The following TTC28 variants were observed in gnomAD, a reference collection of about 807,000 sequenced individuals.
TTC28 encodes the protein tetratricopeptide repeat domain 28, also known as tetratricopeptide repeat protein 28.
A neutral mutation model predicts 198.0 loss-of-function variants in TTC28; 61 were observed. The ratio of observed to expected loss-of-function variants is 0.31; its 90% CI spans 0.25 to 0.38. The LOEUF (loss-of-function observed/expected upper bound fraction) is 0.38, where lower values mean the gene tolerates loss of function less well. TTC28 is among the 10% of genes least tolerant of loss of function. The pLI is 1.00. For synonymous variants in TTC28, 1,171 were observed against 1,297.8 expected (o/e 0.90, Z 2.10); for missense variants, 2,678 against 3,164.0 (o/e 0.85, Z 3.69).
intron 10 of TTC28, among the ~76,000 whole-genome samples, chr22:28,096,809 C>T (rs1388145403): frequency 3.5e-5 from 5 of 143,082 alleles, no homozygotes; most frequent in African/African-American, 1.3e-4. Context: ...CTCTACGTGT[C>T]TTTTTTTTTT....
rs1924519528 is a variant in TTC28 at position 28,189,472 on chromosome 22, C to T, written c.934-25873G>A. ...ACATCTGACTAACACGAGTTCTATA[C>T]ATAGAAAACAAAGAAAATGGTGAGG... On this transcript the variant is annotated intron_variant, in intron 5 of 22. Transcript: ENST00000397906. 2.0e-5 allele frequency among the ~76,000 whole-genome samples: 3 copies of T among 149,830 alleles called. No individual in the cohort carries two copies. In the South Asian group the frequency reaches 6.3e-4, roughly 32 times the overall value.
Position 28,533,288 on chromosome 22 carries a change from T to C in TTC28, c.381+96264A>G, listed in dbSNP as rs566981266. ...AACAGACAAACAGAGAGCCAAATCA[T>C]GAGCGAACTCCCATTCACAATTGCT... On this transcript the variant is annotated intron_variant, in intron 2 of 22. Coordinates refer to ENST00000397906, the MANE Select transcript of TTC28 (RefSeq NM_001145418.2). 2.6e-5 allele frequency among the ~76,000 whole-genome samples: 4 copies of C among 152,240 alleles called. No individual in the cohort carries two copies. In the South Asian group the frequency reaches 6.2e-4, roughly 24 times the overall value.
chr22:28,391,033 C>G (rs532851571), intron 2 of TTC28, among the ~76,000 whole-genome samples: 1 of 152,184 alleles, frequency 6.6e-6, no homozygotes, highest in Admixed American at 6.5e-5. Flanking sequence ...TTAGGGCAGG[C>G]CTGGTGGTGA....
Position 28,585,306 on chromosome 22 carries a change from T to G in TTC28, c.381+44246A>C, listed in dbSNP as rs1047381982. ...AGAATCAGTGGGAGCCCTGAACTTGTTTTCCTGCAGCTAGACGGTCCCATC... is the reference window on the plus strand; with the variant it reads ...AGAATCAGTGGGAGCCCTGAACTTGGTTTCCTGCAGCTAGACGGTCCCATC... On this transcript the variant is annotated intron_variant, in intron 2 of 22. Transcript: ENST00000397906. 2.6e-5 allele frequency among the ~76,000 whole-genome samples: 4 copies of G among 152,124 alleles called. No individual in the cohort carries two copies. The South Asian group carries it at 8.3e-4, about 32-fold the overall frequency.
At chr22:28,391,184 G>C (rs2046712983) in intron 2 of TTC28, among the ~76,000 whole-genome samples, 1 of 152,132 alleles carries the variant, frequency 6.6e-6, no homozygotes, top group Non-Finnish European at 1.5e-5. Flanking sequence ...CTCTCTTCTG[G>C]CTTGTAGAGT....
chr22:28,425,567 C>T lies in TTC28; in HGVS notation c.382-118924G>A, dbSNP rs550447040. Reference sequence around the variant, plus strand: ...TCTCTGATATATTGAATGGCTGATACATTGTGTGTAATGAAAACATGTTGA... The same window carrying T: ...TCTCTGATATATTGAATGGCTGATATATTGTGTGTAATGAAAACATGTTGA... On this transcript the variant is annotated intron_variant, in intron 2 of 22. Transcript: ENST00000397906. Among the ~76,000 whole-genome samples, 11 of 152,308 alleles carry T rather than the reference C, an allele frequency of 7.2e-5. No homozygotes were observed. In the East Asian group the frequency reaches 2.1e-3, roughly 29 times the overall value.
chr22:28,428,201 G>A (rs2047378951), intron 2 of TTC28, among the ~76,000 whole-genome samples: 1 of 150,904 alleles, frequency 6.6e-6, no homozygotes. Context: ...GAGTATGTAG[G>A]AAAATGCCCA....
At chr22:28,303,104 G>A (rs1256522371) in intron 3 of TTC28, among the ~76,000 whole-genome samples, 2 of 152,168 alleles carry the variant, frequency 1.3e-5, no homozygotes, top group Non-Finnish European at 2.9e-5. Flanking sequence ...CAAATTAACA[G>A]GAAGAGAGAC....
chr22:28,162,846 A>G (rs1402326129), intron 6 of TTC28, among the ~76,000 whole-genome samples: 1 of 152,220 alleles, frequency 6.6e-6, no homozygotes, highest in African/African-American at 2.4e-5. Flanking sequence ...GCTACTCGGG[A>G]GGCTGAGGTG....
At position 27,982,992 on chromosome 22, in the gene TTC28, C is replaced by T. The variant is rs1189233082; in HGVS notation, c.6675G>A (p.Gln2225=). 12 of 1,551,684 alleles carry T rather than the reference C, an allele frequency of 7.7e-6. No individual in the cohort carries two copies. The highest frequency in any genetic ancestry group is 1.0e-5 in the Non-Finnish European group (12 of 1,146,982). ...SRPVLSHQKS[Q]PSPVTVKPKP... is the part of the protein sequence containing the mutation. The stretch of plus-strand genomic sequence containing the variant: ...TTGGTTTAACAGTGACTGGTGATGG[C>T]TGACTCTTCTGATGGGAGAGAACAG... The change falls in exon 23 of 23, where the codon CAG becomes CAA. Residue 2225 remains glutamine, a synonymous_variant. Coordinates refer to ENST00000397906, the MANE Select transcript of TTC28 (RefSeq NM_001145418.2). This position sits in a 1 kb window ranked among gnomAD's most constrained non-coding sequence, Gnocchi z 5.2.
rs534471164 is a variant in TTC28 at position 28,618,946 on chromosome 22, A to G, written c.381+10606T>C. 2.0e-5 allele frequency among the ~76,000 whole-genome samples: 3 copies of G among 152,254 alleles called. No individual in the cohort carries two copies. The East Asian group carries it at 5.8e-4, about 29-fold the overall frequency. On this transcript the variant is annotated intron_variant, in intron 2 of 22. Coordinates refer to ENST00000397906, the MANE Select transcript of TTC28 (RefSeq NM_001145418.2). ...TCTGATAAACTATTCACAAGCATAT[A>G]TATTCTATATATGTGGTGAAAAATA...
At chr22:28,391,337 G>A (rs552192511) in intron 2 of TTC28, among the ~76,000 whole-genome samples, 15 of 152,088 alleles carry the variant, frequency 9.9e-5, no homozygotes, top group Admixed American at 5.2e-4. Context: ...TGCTCTTCTC[G>A]AGGAGTATCT....
intron 2 of TTC28, among the ~76,000 whole-genome samples, chr22:28,445,241 C>G (rs1455634199): frequency 1.3e-5 from 2 of 152,132 alleles, no homozygotes; most frequent in Non-Finnish European, 2.9e-5. Context: ...CAAAGCATCA[C>G]ATAGGATAGA....
chr22:28,567,479 CATATATATATATATATATAT>C (rs398040471), intron 2 of TTC28, among the ~76,000 whole-genome samples: 6 of 51,144 alleles, frequency 1.2e-4, no homozygotes, highest in South Asian at 1.7e-3. Context: ...TACATACATA[CATATATATATATATATATAT>C]ATATATATAT....
At chr22:28,091,335 G>A (rs1459068540) in intron 12 of TTC28, among the ~76,000 whole-genome samples, 2 of 152,188 alleles carry the variant, frequency 1.3e-5, no homozygotes, top group Non-Finnish European at 2.9e-5. Flanking sequence ...CTAGATATCT[G>A]GAAATTTGGA....
chr22:28,417,477 C>A (rs9613609), intron 2 of TTC28, among the ~76,000 whole-genome samples: 68,258 of 151,306 alleles, frequency 0.45, 16,066 homozygotes, highest in Non-Finnish European at 0.53. Flanking sequence ...CCCCATCTCA[C>A]AAAAAGAAAA....
intron 2 of TTC28, among the ~76,000 whole-genome samples, chr22:28,495,721 C>G (rs1191774955): frequency 6.6e-6 from 1 of 152,156 alleles, no homozygotes; most frequent in East Asian, 1.9e-4. Flanking sequence ...TGGAGCAGAT[C>G]AGAAGGCTCC....
chr22:28,177,656 T>C (rs1451618221), intron 5 of TTC28, among the ~76,000 whole-genome samples: 3 of 152,216 alleles, frequency 2.0e-5, no homozygotes, highest in Admixed American at 1.3e-4. Context: ...ATCCATACAA[T>C]GGAATATTAT....
At chr22:28,334,809 G>A (rs548913492) in intron 2 of TTC28, among the ~76,000 whole-genome samples, 4 of 152,052 alleles carry the variant, frequency 2.6e-5, no homozygotes, top group South Asian at 2.1e-4. Flanking sequence ...GCCTGTTCAC[G>A]CTGATGGTAG....
Sources: gnomAD v4.1 joint callset for allele counts (sites outside exome capture counted in the v4.1 genomes callset) on GRCh38, gnomAD v4.1.1 for gene constraint, Gnocchi (gnomAD v3.1) non-coding constraint, MANE v1.5 for transcripts, NCBI Gene and HGNC (gene_info 2026-07-23, HGNC 2026-07-21) for gene names.